Variants in ALOX15B observed in about 807,000 individuals in gnomAD.
The protein encoded by ALOX15B is arachidonate 15-lipoxygenase type B.
In ALOX15B, 74 loss-of-function variants were observed where a neutral mutation model predicts 73.8. The ratio of observed to expected loss-of-function variants is 1.00; its 90% confidence interval spans 0.83 to 1.22. The LOEUF (loss-of-function observed/expected upper bound fraction) is 1.22. Among genes scored for constraint, ALOX15B ranks in the 50% most tolerant of loss-of-function variants. ALOX15B has a pLI of 0.00. For synonymous variants in ALOX15B, 353 were observed against 357.2 expected (o/e 0.99, Z 0.13); for missense variants, 896 against 859.9 (o/e 1.04, Z -0.52).
At chr17:8,048,307 T>C in intron 13 of ALOX15B, 79 bp from the exon 14 acceptor site, 5 of 1,510,380 alleles carry the variant, frequency 3.3e-6, no homozygotes, top group Non-Finnish European at 4.4e-6. Flanking sequence ...AAGTTGCAGC[T>C]GCTCAGATAG....
Position 8,048,388 on chromosome 17 carries a change from GC to G in ALOX15B, c.1858del (p.Leu620TrpfsTer46). The G allele has an allele frequency of 6.2e-7, 1 of 1,610,272 alleles. No homozygotes were observed. The highest frequency in any genetic ancestry group is 8.5e-7 in the Non-Finnish European group (1 of 1,177,770). On this transcript the variant is annotated frameshift_variant, in exon 14 of 14. Coordinates refer to ENST00000380183, the MANE Select transcript of ALOX15B (RefSeq NM_001141.3). LOFTEE classifies it low-confidence loss of function (END_TRUNC). ...LLSKEPGDQR[P>X]LGTYPDEHFT... ...CCAACCTTGTGGTGGATCCTCAGAG[GC>G]CCCTGGGCACCTATCCGGATGAGCA... is the stretch of plus-strand genomic sequence containing the variant.
Position 8,042,417 on chromosome 17 carries a change from A to G in ALOX15B, c.498A>G (p.Thr166=), listed in dbSNP as rs1976487003. 2 of 1,614,026 alleles carry G rather than the reference A, an allele frequency of 1.2e-6. No homozygotes were observed. ...PGWPHCLDEK[T]VEDLELNIKY... is the part of the protein sequence containing the mutation. ...GGCCTCACTGCCTGGATGAAAAGAC[A>G]GTGGAAGACTTGGAGCTCAATATCA... The change falls in exon 4 of 14, where the codon ACA becomes ACG. Residue 166 remains threonine (T), a synonymous_variant. Coordinates refer to ENST00000380183, the MANE Select transcript of ALOX15B (RefSeq NM_001141.3).
chr17:8,040,080 A>C, intron 3 of ALOX15B, 97 bp downstream of exon 3: 1 of 1,166,884 alleles, frequency 8.6e-7, no homozygotes, highest in Non-Finnish European at 1.2e-6. Context: ...CCCTGCCTCC[A>C]CCTCTCCTAT....
Position 8,048,572 on chromosome 17 carries a change from G to C in ALOX15B, c.*7G>C. On this transcript the variant is annotated 3_prime_UTR_variant, in exon 14 of 14. Transcript: ENST00000380183. ...GAACAGCGTCTCCATCTAAATCCCAGGGGAACACAGGCCCAGATGACATCC... is the reference window on the plus strand; with the variant it reads ...GAACAGCGTCTCCATCTAAATCCCACGGGAACACAGGCCCAGATGACATCC... The C allele has an allele frequency of 6.2e-7, 1 of 1,612,088 alleles. No individual in the cohort carries two copies. The highest frequency in any genetic ancestry group is 8.5e-7 in the Non-Finnish European group (1 of 1,178,774).
In ALOX15B at chr17:8,043,141, C is replaced by T. The variant is rs145360682; in HGVS notation, c.676+257C>T. On this transcript the variant is annotated intron_variant, in intron 5 of 13. Coordinates refer to ENST00000380183, the MANE Select transcript of ALOX15B (RefSeq NM_001141.3). Reference sequence around the variant, plus strand: ...GGGTTAGGGGCTACATGGTTCTTCACGGGGCTCACAGTTGAGCAGGCCAGT... The same window carrying T: ...GGGTTAGGGGCTACATGGTTCTTCATGGGGCTCACAGTTGAGCAGGCCAGT... Among the ~76,000 whole-genome samples, 740 of 152,308 alleles carry T rather than the reference C, an allele frequency of 4.9e-3. 4 individuals are homozygous for T. Among genetic ancestry groups the T allele is most frequent in the African/African-American group, 0.016 (684 of 41,570 alleles).
Position 8,039,962 on chromosome 17 carries a change from A to G in ALOX15B, c.428A>G (p.Gln143Arg). 1 of 1,613,276 alleles carries G rather than the reference A, an allele frequency of 6.2e-7. No individual in the cohort carries two copies. The highest frequency in any genetic ancestry group is 8.5e-7 in the Non-Finnish European group (1 of 1,179,660). ...CAGCAACAGCGCCAGGAGGAGCTTC[A>G]GGCCCGGCAGGAGATGTACCAGTGA... is the stretch of plus-strand genomic sequence containing the variant. ...VLQQQRQEEL[Q>R]ARQEMYQWKA... Residue 143 changes from glutamine (Q) to arginine (R), a missense_variant, in exon 3 of 14, where the codon CAG (glutamine) becomes CGG (arginine). Gln to Arg is a conservative substitution (Grantham distance 43). Coordinates refer to ENST00000380183, the MANE Select transcript of ALOX15B (RefSeq NM_001141.3).
At chr17:8,040,332 G>A (rs977002952) in intron 3 of ALOX15B, among the ~76,000 whole-genome samples, 12 of 151,908 alleles carry the variant, frequency 7.9e-5, no homozygotes, top group African/African-American at 2.9e-4. Context: ...ATCACTGGAG[G>A]TCGGGAGTTC....
In ALOX15B at chr17:8,042,485, G is replaced by T; in HGVS notation, c.566G>T (p.Gly189Val). Residue 189 changes from glycine to valine, a missense_variant, in exon 4 of 14, where the codon GGC becomes GTC. By Grantham distance (109) the Gly-to-Val change is moderately radical. Coordinates refer to ENST00000380183, the MANE Select transcript of ALOX15B (RefSeq NM_001141.3). ...AATGCCAACTTTTATCTACAGGCTG[G>T]CTCTGCGTGAGGATGCCCACCCTTC... is the stretch of plus-strand genomic sequence containing the variant. ...AKNANFYLQA[G>V]SAFAEMKIKG... 6.2e-7 allele frequency: 1 copy of T among 1,613,336 alleles called. No homozygotes were observed.
intron 9 of ALOX15B, 55 bp from the exon 10 acceptor site, chr17:8,046,852 G>T (rs1409131125): frequency 6.2e-7 from 1 of 1,611,576 alleles, no homozygotes; most frequent in Non-Finnish European, 8.5e-7. Context: ...CGACACCAGT[G>T]CTACCTCCTG....
At position 8,048,428 on chromosome 17, in the gene ALOX15B, GC is replaced by G. The variant is rs1465844868; in HGVS notation, c.1898del (p.Pro633LeufsTer33). 2 of 1,613,900 alleles carry G rather than the reference GC, an allele frequency of 1.2e-6. No individual in the cohort carries two copies. The highest frequency in any genetic ancestry group is 2.7e-5 in the African/African-American group (2 of 74,926). ...TCCGGATGAGCACTTCACAGAGGAG[GC>G]CCCTCGGCGGAGCATCGCCACCTTC... ...TYPDEHFTEEAPRRSIATFQS... is the reference protein window; with the variant it reads ...TYPDEHFTEEXPRRSIATFQS... On this transcript the variant is annotated frameshift_variant, in exon 14 of 14. Coordinates refer to ENST00000380183, the MANE Select transcript of ALOX15B (RefSeq NM_001141.3). LOFTEE classifies it low-confidence loss of function (END_TRUNC).
intron 5 of ALOX15B, among the ~76,000 whole-genome samples, chr17:8,044,423 CAAA>C (rs56146478): frequency 1.4e-4 from 13 of 93,694 alleles, no homozygotes; most frequent in Admixed American, 2.4e-4. Context: ...CAGCCTGTCT[CAAA>C]AAAAAAAAAA....
Position 8,041,221 on chromosome 17 carries a change from T to C in ALOX15B, c.450-1148T>C, listed in dbSNP as rs1190296929. Among the ~76,000 whole-genome samples, 5 of 152,204 alleles carry C rather than the reference T, an allele frequency of 3.3e-5. No homozygotes were observed. The South Asian group carries it at 8.3e-4, about 25-fold the overall frequency. On this transcript the variant is annotated intron_variant, in intron 3 of 13. Transcript: ENST00000380183. ...GGCCCTGCCAAAACGAGCTGTGAGA[T>C]CTTAGACCAATTTTTTCATCTCTTC...
chr17:8,046,639 C>G (rs755929702), intron 8 of ALOX15B, 29 bp from the exon 9 acceptor site: 1 of 1,606,162 alleles, frequency 6.2e-7, no homozygotes, highest in Non-Finnish European at 8.5e-7. Flanking sequence ...CCAGGCCTCC[C>G]CTAGCTCTGC....
At chr17:8,040,618 A>G (rs1228085708) in intron 3 of ALOX15B, among the ~76,000 whole-genome samples, 1 of 126,056 alleles carries the variant, frequency 7.9e-6, no homozygotes, top group Non-Finnish European at 1.8e-5. Context: ...AAAGAAAGAA[A>G]GAAAGAAAGA....
intron 8 of ALOX15B, 51 bp from the exon 9 acceptor site, chr17:8,046,617 G>A (rs1185885407): frequency 1.3e-6 from 2 of 1,574,160 alleles, no homozygotes; most frequent in Non-Finnish European, 1.7e-6. Context: ...GAAGGTCTGG[G>A]GCCAGAACAA....
At chr17:8,042,309 G>A in intron 3 of ALOX15B, 60 bp from the exon 4 acceptor site, 1 of 1,594,204 alleles carries the variant, frequency 6.3e-7, no homozygotes, top group Non-Finnish European at 8.5e-7. Context: ...CACTCCATCT[G>A]CCCTAGCAAA....
rs140185249 is a variant in ALOX15B at position 8,048,462 on chromosome 17, G to A, written c.1928G>A (p.Arg643His). The change falls in exon 14 of 14, where the codon CGC becomes CAC. Residue 643 changes from arginine to histidine, a missense_variant. Arg to His is a conservative substitution (Grantham distance 29). Transcript: ENST00000380183. Reference protein sequence around the residue: ...PRRSIATFQSRLAQISRGIQE... With the variant: ...PRRSIATFQSHLAQISRGIQE... ...CGGAGCATCGCCACCTTCCAGAGCC[G>A]CCTGGCCCAGATCTCGAGGGGCATC... The A allele has an allele frequency of 8.9e-5, 144 of 1,614,028 alleles. No homozygotes were observed. In the East Asian group the frequency reaches 2.3e-3, roughly 25 times the overall value.
At position 8,049,008 on chromosome 17, in the gene ALOX15B, C is replaced by T. The variant is rs934820407; in HGVS notation, c.*443C>T. ...GCCAAAGAGACTGGGCGCAGTGGCT[C>T]ATGCCCATAATCCCAGCACTTTGGG... On this transcript the variant is annotated 3_prime_UTR_variant, in exon 14 of 14. Transcript: ENST00000380183. 1.3e-5 allele frequency: 2 copies of T among 154,670 alleles called. No individual in the cohort carries two copies. The highest frequency in any genetic ancestry group is 2.9e-5 in the Non-Finnish European group (2 of 69,802). The allele number at this position is 154,670 out of a possible 1,614,324, so 9.6% of individuals were successfully genotyped here. A position where few individuals can be genotyped will look rare whatever the true frequency, so the allele number is the denominator to read the frequency against.
At chr17:8,042,604 G>A in intron 4 of ALOX15B, 113 bp downstream of exon 4, 1 of 1,475,542 alleles carries the variant, frequency 6.8e-7, no homozygotes, top group East Asian at 2.3e-5. Flanking sequence ...ACATAGTCCT[G>A]CCCAGGAAAC....
Sources: gnomAD v4.1 joint callset for allele counts (sites outside exome capture counted in the v4.1 genomes callset) on GRCh38, gnomAD v4.1.1 for gene constraint, MANE v1.5 for transcripts, NCBI Gene and HGNC (gene_info 2026-07-23, HGNC 2026-07-21) for gene names.